The following POU2F1 variants were observed in gnomAD, a reference collection of about 807,000 sequenced individuals.
The protein encoded by POU2F1 is POU domain, class 2, transcription factor 1.
A neutral mutation model predicts 84.9 loss-of-function variants in POU2F1; 16 were observed. The observed-to-expected ratio is 0.19, with a 90% CI of 0.13 to 0.29. The LOEUF is 0.29. POU2F1 is among the 10% of genes least tolerant of loss of function. The pLI, the probability that POU2F1 is intolerant of heterozygous loss-of-function variation, is 1.00. For missense variants in POU2F1, 738 were observed against 942.6 expected, an observed-to-expected ratio of 0.78 and a Z score of 2.84; for synonymous variants, 368 against 368.3, an observed-to-expected ratio of 1.00 and a Z score of 0.01.
chr1:167,339,147 A>G (rs1161308287), intron 2 of POU2F1, among the ~76,000 whole-genome samples: 2 of 152,032 alleles, frequency 1.3e-5, no homozygotes, highest in African/African-American at 4.8e-5. Context: ...AGCATTGTCA[A>G]ATCTGTTTCC....
chr1:167,332,571 T>C (rs746847385), intron 2 of POU2F1, 36 bp downstream of exon 2: 2 of 1,503,892 alleles, frequency 1.3e-6, no homozygotes, highest in African/African-American at 1.4e-5. Flanking sequence ...TAATTAACTC[T>C]AGTAGAGCAC....
intron 1 of POU2F1, among the ~76,000 whole-genome samples, chr1:167,225,891 A>G (rs1324811998): frequency 6.6e-6 from 1 of 152,226 alleles, no homozygotes; most frequent in Admixed American, 6.5e-5. Flanking sequence ...TTCAAGCACC[A>G]TTAAAAATAA....
At chr1:167,229,193 A>G (rs1198540400) in intron 1 of POU2F1, among the ~76,000 whole-genome samples, 1 of 150,960 alleles carries the variant, frequency 6.6e-6, no homozygotes. Flanking sequence ...TTTGTTATGG[A>G]CAGTGCCATG....
At chr1:167,248,802 T>C (rs1225327406) in intron 1 of POU2F1, among the ~76,000 whole-genome samples, 1 of 152,246 alleles carries the variant, frequency 6.6e-6, no homozygotes, top group Non-Finnish European at 1.5e-5. Context: ...CCAATTGCTA[T>C]TCCAAGTGCT....
intron 1 of POU2F1, among the ~76,000 whole-genome samples, chr1:167,236,160 G>A (rs111802982): frequency 3.3e-5 from 5 of 151,970 alleles, no homozygotes; most frequent in African/African-American, 1.2e-4. Flanking sequence ...CTGGAGTGCA[G>A]TGGTGTGATC....
chr1:167,325,605 G>A (rs1016983138), intron 1 of POU2F1, among the ~76,000 whole-genome samples: 2 of 151,976 alleles, frequency 1.3e-5, no homozygotes, highest in Admixed American at 1.3e-4. Context: ...AATACTAGTA[G>A]TGTCGGCTGG....
intron 1 of POU2F1, among the ~76,000 whole-genome samples, chr1:167,331,797 C>CT (rs1657097225): frequency 6.6e-6 from 1 of 151,970 alleles, no homozygotes; most frequent in African/African-American, 2.4e-5. Context: ...GGTAGTATTA[C>CT]TTTAAGTGGG....
At chr1:167,314,044 A>C (rs551314200) in intron 1 of POU2F1, among the ~76,000 whole-genome samples, 3 of 152,244 alleles carry the variant, frequency 2.0e-5, no homozygotes, top group Admixed American at 2.0e-4. Context: ...TGAAAATACA[A>C]AAATATTAGC....
At chr1:167,289,678 C>A (rs1323990032) in intron 1 of POU2F1, among the ~76,000 whole-genome samples, 2 of 152,174 alleles carry the variant, frequency 1.3e-5, no homozygotes, top group Non-Finnish European at 2.9e-5. Flanking sequence ...ATCAATCACA[C>A]CAGATTGCCA....
At chr1:167,281,235 C>T (rs543604200) in intron 1 of POU2F1, among the ~76,000 whole-genome samples, 48 of 152,030 alleles carry the variant, frequency 3.2e-4, no homozygotes, top group Non-Finnish European at 6.3e-4. Flanking sequence ...TTATTCTGAG[C>T]CAAATATGAG....
chr1:167,261,175 A>G (rs1051026414), intron 1 of POU2F1, among the ~76,000 whole-genome samples: 2 of 152,208 alleles, frequency 1.3e-5, no homozygotes, highest in African/African-American at 4.8e-5. Context: ...TTAAAGAGGT[A>G]ATTGTTAAAA....
chr1:167,299,292 A>G (rs1654497507), intron 1 of POU2F1, among the ~76,000 whole-genome samples: 1 of 152,106 alleles, frequency 6.6e-6, no homozygotes, highest in Non-Finnish European at 1.5e-5. Flanking sequence ...CAGTGTGGTT[A>G]GTTACTAGGA....
At chr1:167,301,203 T>A (rs1392513443) in intron 1 of POU2F1, among the ~76,000 whole-genome samples, 1 of 152,220 alleles carries the variant, frequency 6.6e-6, no homozygotes, top group African/African-American at 2.4e-5. Flanking sequence ...CTCTGAATGT[T>A]ACCTATTACA....
intron 13 of POU2F1, among the ~76,000 whole-genome samples, chr1:167,401,937 T>C (rs1230970537): frequency 6.6e-6 from 1 of 152,250 alleles, no homozygotes; most frequent in Non-Finnish European, 1.5e-5. Context: ...CCAGCTTGTA[T>C]GTCAATTTTC....
At chr1:167,355,795 A>C (rs1486216478) in intron 2 of POU2F1, among the ~76,000 whole-genome samples, 2 of 152,046 alleles carry the variant, frequency 1.3e-5, no homozygotes, top group Admixed American at 6.5e-5. Context: ...ATGCCCAGCC[A>C]TGTCTTTGTT....
intron 1 of POU2F1, among the ~76,000 whole-genome samples, chr1:167,287,635 G>A (rs1236656986): frequency 6.6e-6 from 1 of 152,164 alleles, no homozygotes; most frequent in Non-Finnish European, 1.5e-5. Context: ...GATGAAAAAT[G>A]CAAAAGAGAA....
At chr1:167,375,225 A>G (rs1660245177) in intron 6 of POU2F1, among the ~76,000 whole-genome samples, 1 of 152,202 alleles carries the variant, frequency 6.6e-6, no homozygotes, top group Non-Finnish European at 1.5e-5. Flanking sequence ...AACTTGTAGC[A>G]AGAGTTTGAC....
intron 1 of POU2F1, among the ~76,000 whole-genome samples, chr1:167,317,737 C>T (rs1467090335): frequency 6.6e-6 from 1 of 152,212 alleles, no homozygotes; most frequent in Admixed American, 6.5e-5. Context: ...CAACAACCTT[C>T]AGCATTGGCA....
intron 1 of POU2F1, among the ~76,000 whole-genome samples, chr1:167,244,750 CA>C (rs1357510920): frequency 6.6e-6 from 1 of 152,182 alleles, no homozygotes; most frequent in Non-Finnish European, 1.5e-5. Flanking sequence ...GGAGCCCTGA[CA>C]CCCAAAAATT....
Sources: allele counts gnomAD v4.1 joint callset (sites outside exome capture counted in the v4.1 genomes callset), GRCh38; gene constraint gnomAD v4.1.1; transcripts MANE v1.5; gene names NCBI Gene and HGNC (gene_info 2026-07-23, HGNC 2026-07-21).